Variants in NBEA observed in about 807,000 individuals in gnomAD.
The protein encoded by NBEA is neurobeachin.
In NBEA, 44 loss-of-function variants were observed where a neutral mutation model predicts 343.4. That is an observed-to-expected ratio of 0.13 (90% confidence interval 0.10 to 0.16). NBEA has a LOEUF of 0.16. NBEA is among the 10% of genes least tolerant of loss of function. The probability of loss-of-function intolerance (pLI) is 1.00; values close to 1 mark genes in which losing one functional copy is unlikely to be tolerated. For synonymous variants in NBEA, 1,175 were observed against 1,238.7 expected (o/e 0.95, Z 1.08); for missense variants, 2,555 against 3,631.3 (o/e 0.70, Z 7.62).
chr13:35,159,555 A>G lies in NBEA; in HGVS notation c.3384A>G (p.Pro1128=), dbSNP rs1203317917. 5.0e-6 allele frequency: 8 copies of G among 1,612,618 alleles called. No homozygotes were observed. The Admixed American group carries it at 5.0e-5, about 10-fold the overall frequency. Residue 1128 remains proline, a synonymous_variant, in exon 22 of 59, where the codon CCA becomes CCG. Coordinates refer to ENST00000379939, the MANE Select transcript of NBEA (RefSeq NM_001385012.1). ...IKKNEEKDNG[P]LITLADEKED... is the part of the protein sequence containing the mutation. ...AAAATGAAGAAAAGGATAATGGTCCATTGATAACATTAGCAGATGAGAAAG... is the reference window on the plus strand; with the variant it reads ...AAAATGAAGAAAAGGATAATGGTCCGTTGATAACATTAGCAGATGAGAAAG...
At chr13:35,239,407 C>T (rs1315244110) in intron 34 of NBEA, among the ~76,000 whole-genome samples, 3 of 151,912 alleles carry the variant, frequency 2.0e-5, no homozygotes, top group Admixed American at 6.6e-5. Flanking sequence ...ACTGCTTATT[C>T]TGAAAAATTT....
At chr13:35,099,360 G>A (rs541072479) in intron 11 of NBEA, among the ~76,000 whole-genome samples, 33 of 151,776 alleles carry the variant, frequency 2.2e-4, no homozygotes, top group African/African-American at 7.7e-4. Context: ...CACCATGCCC[G>A]GCTAATTTTT....
At chr13:35,147,835 T>C (rs2068529553) in intron 18 of NBEA, among the ~76,000 whole-genome samples, 1 of 152,100 alleles carries the variant, frequency 6.6e-6, no homozygotes, top group Non-Finnish European at 1.5e-5. Context: ...AGCTCAGGGT[T>C]TTGATAAAGA....
intron 41 of NBEA, among the ~76,000 whole-genome samples, chr13:35,494,487 A>T (rs1268636045): frequency 6.6e-6 from 1 of 151,970 alleles, no homozygotes; most frequent in Non-Finnish European, 1.5e-5. Flanking sequence ...CATGGCAAAA[A>T]CTGCAATTAC....
At chr13:34,996,177 A>G (rs2060933652) in intron 1 of NBEA, among the ~76,000 whole-genome samples, 1 of 152,224 alleles carries the variant, frequency 6.6e-6, no homozygotes, top group South Asian at 2.1e-4. Flanking sequence ...GTTACTTCAC[A>G]AAGTGTGATT....
At chr13:35,254,050 T>G (rs919864277) in intron 34 of NBEA, among the ~76,000 whole-genome samples, 4 of 152,112 alleles carry the variant, frequency 2.6e-5, no homozygotes, top group African/African-American at 4.8e-5. Flanking sequence ...ATCATTTATT[T>G]CCTAAATTTT....
intron 38 of NBEA, among the ~76,000 whole-genome samples, chr13:35,421,837 C>T (rs1338221065): frequency 2.0e-5 from 3 of 152,000 alleles, no homozygotes. Context: ...AAATATTTTG[C>T]CACTTTCTCT....
At chr13:35,370,910 G>GT (rs35375856) in intron 38 of NBEA, among the ~76,000 whole-genome samples, 42,542 of 150,868 alleles carry the variant, frequency 0.28, 7,514 homozygotes, top group African/African-American at 0.51. Context: ...TCAGTTGGCA[G>GT]TTTTTTTTTT....
At chr13:35,165,108 A>G (rs140749739) in intron 24 of NBEA, 25 of 534,082 alleles carry the variant, frequency 4.7e-5, no homozygotes, top group African/African-American at 4.2e-4. Flanking sequence ...TTGTTGCCGT[A>G]TTAGAAACTC....
intron 57 of NBEA, among the ~76,000 whole-genome samples, 165 bp from the exon 58 acceptor site, chr13:35,668,203 T>G (rs893270402): frequency 2.6e-5 from 4 of 152,238 alleles, no homozygotes; most frequent in African/African-American, 9.6e-5. Context: ...TTGAACTTGA[T>G]TTTGTTGGAC....
chr13:35,593,644 T>A lies in NBEA; in HGVS notation c.7296+197T>A, dbSNP rs561020500. Among the ~76,000 whole-genome samples, 3 of 152,228 alleles carry A rather than the reference T, an allele frequency of 2.0e-5. No homozygotes were observed. The South Asian group carries it at 6.2e-4, about 32-fold the overall frequency. ...CTGAAAATTCTTTCATATTACCCAG[T>A]GAAGGTGTTTTCGTTATTTCAAAAA... On this transcript the variant is annotated intron_variant, in intron 47 of 58. Transcript: ENST00000379939.
chr13:35,098,116 G>A (rs1287862238), intron 10 of NBEA, among the ~76,000 whole-genome samples, 181 bp from the exon 11 acceptor site: 1 of 152,096 alleles, frequency 6.6e-6, no homozygotes, highest in African/African-American at 2.4e-5. Context: ...GACAACAGTA[G>A]TTTTCTCATG....
chr13:35,363,370 G>C (rs1309696625), intron 38 of NBEA, among the ~76,000 whole-genome samples: 2 of 151,752 alleles, frequency 1.3e-5, no homozygotes, highest in Non-Finnish European at 2.9e-5. Flanking sequence ...GGTACCTAGG[G>C]CATGGCTATA....
chr13:35,051,011 TG>T (rs1278671101), intron 6 of NBEA, among the ~76,000 whole-genome samples: 1 of 152,018 alleles, frequency 6.6e-6, no homozygotes, highest in Non-Finnish European at 1.5e-5. Context: ...ACTGTGCAAC[TG>T]TATGATTAGA....
intron 41 of NBEA, among the ~76,000 whole-genome samples, chr13:35,518,013 T>C (rs559227846): frequency 6.6e-6 from 1 of 152,226 alleles, no homozygotes; most frequent in East Asian, 1.9e-4. Flanking sequence ...TTTGACACTC[T>C]TGAATGTATT....
intron 41 of NBEA, among the ~76,000 whole-genome samples, chr13:35,542,079 A>G (rs2078854426): frequency 6.6e-6 from 1 of 152,016 alleles, no homozygotes; most frequent in Non-Finnish European, 1.5e-5. Flanking sequence ...GAGAAAAAAA[A>G]TCAAGATTAT....
intron 58 of NBEA, among the ~76,000 whole-genome samples, chr13:35,668,823 C>A (rs1330371821): frequency 6.6e-6 from 1 of 152,200 alleles, no homozygotes. Context: ...CCTGCCTAGT[C>A]TCAGACAGGC....
intron 34 of NBEA, among the ~76,000 whole-genome samples, chr13:35,247,516 G>T (rs1450001905): frequency 6.6e-6 from 1 of 152,020 alleles, no homozygotes; most frequent in Admixed American, 6.6e-5. Flanking sequence ...TCAGTTTCAG[G>T]TAAGGTTAGA....
At position 35,195,888 on chromosome 13, in the gene NBEA, C is replaced by T. The variant is rs757420837; in HGVS notation, c.4952C>T (p.Thr1651Ile). ...YKETPAAFPD[T>I]IKEKETPTPG... is the part of the protein sequence containing the mutation. ...GAAACACCTGCTGCATTTCCAGACA[C>T]CATAAAAGAAAAAGAAACACCAACT... Residue 1651 changes from threonine (T) to isoleucine (I), a missense_variant, in exon 31 of 59, where the codon ACC becomes ATC. Thr to Ile is a moderately conservative substitution (Grantham distance 89). Coordinates refer to ENST00000379939, the MANE Select transcript of NBEA (RefSeq NM_001385012.1). 2 of 1,606,030 alleles carry T rather than the reference C, an allele frequency of 1.2e-6. No individual in the cohort carries two copies. Among genetic ancestry groups the T allele is most frequent in the Non-Finnish European group, 1.7e-6 (2 of 1,177,644 alleles).
Sources: gnomAD v4.1 joint callset for allele counts (sites outside exome capture counted in the v4.1 genomes callset) on GRCh38, gnomAD v4.1.1 for gene constraint, MANE v1.5 for transcripts, NCBI Gene and HGNC (gene_info 2026-07-23, HGNC 2026-07-21) for gene names.